Variants in LRRC9 observed in about 807,000 individuals in gnomAD.
The protein encoded by LRRC9 is leucine-rich repeat-containing protein 9.
Under a neutral mutation model 63.2 loss-of-function variants are expected in LRRC9, and 122 were observed. That is an observed-to-expected ratio of 1.93 (90% CI 1.67 to 2.24). The LOEUF (loss-of-function observed/expected upper bound fraction) is 2.24, where lower values mean the gene tolerates loss of function less well. LRRC9 is among the 30% of genes most tolerant of loss of function. The probability of loss-of-function intolerance (pLI) is 0.00; values close to 1 mark genes in which losing one functional copy is unlikely to be tolerated. For missense variants in LRRC9, 1,071 were observed against 627.7 expected (o/e 1.71, Z -7.55); for synonymous variants, 366 against 213.1 (o/e 1.72, Z -6.25).
rs905398884 is a variant in LRRC9, at chr14:60,053,597, C to T, written c.4131+392C>T. Among the ~76,000 whole-genome samples the T allele has an allele frequency of 3.3e-5, 5 of 152,102 alleles. No homozygotes were observed. Among genetic ancestry groups the T allele is most frequent in the Non-Finnish European group, 7.4e-5 (5 of 68,014 alleles). On this transcript the variant is annotated intron_variant, in intron 30 of 31. Coordinates refer to ENST00000445360, the Ensembl canonical transcript of LRRC9. This position sits in a 1 kb window ranked among gnomAD's most constrained non-coding sequence, Gnocchi z 4.8. ...CAATAAAACTATTTCCCTTTAGGCA[C>T]ACAGAAAGGGAAGGAAGGAATTCTG...
intron 30 of LRRC9, 182 bp from the exon 31 acceptor site, chr14:60,057,696 C>A: frequency 2.0e-4 from 60 of 298,906 alleles, no homozygotes; most frequent in East Asian, 4.3e-4. Flanking sequence ...GGGAGGTTAA[C>A]TCCCCAAAAA....
intron 10 of LRRC9, among the ~76,000 whole-genome samples, chr14:59,965,083 G>A (rs1884698890): frequency 6.6e-6 from 1 of 152,276 alleles, no homozygotes; most frequent in South Asian, 2.1e-4. Context: ...TTCATTAAAG[G>A]CAAATGTATT....
chr14:59,938,296 A>G lies in LRRC9; in HGVS notation c.544-94A>G. 1 of 511,874 alleles carries G rather than the reference A, an allele frequency of 2.0e-6. No individual in the cohort carries two copies. The highest frequency in any genetic ancestry group is 3.4e-6 in the Non-Finnish European group (1 of 290,476). The allele number at this position is 511,874 out of a possible 1,614,324, so 31.7% of individuals were successfully genotyped here. On this transcript the variant is annotated intron_variant, in intron 6 of 31. Transcript: ENST00000445360. This position sits in a 1 kb window ranked among gnomAD's most constrained non-coding sequence, Gnocchi z 4.2. Reference sequence around the variant, plus strand: ...TAATGTATTTAAGCGCATAATTAGAATGCATTAGACTATGGCTGATCTTAG... The same window carrying G: ...TAATGTATTTAAGCGCATAATTAGAGTGCATTAGACTATGGCTGATCTTAG...
At chr14:59,972,598 AC>A (rs1195568042) in intron 12 of LRRC9, among the ~76,000 whole-genome samples, 1 of 152,106 alleles carries the variant, frequency 6.6e-6, no homozygotes, top group Non-Finnish European at 1.5e-5. Flanking sequence ...TGCTTTATCT[AC>A]ACATGCCTTG....
In LRRC9 at chr14:59,942,083, C is replaced by T. The variant is rs1330731667; in HGVS notation, c.727-2506C>T. Among the ~76,000 whole-genome samples, 1 of 146,564 alleles carries T rather than the reference C, an allele frequency of 6.8e-6. No individual in the cohort carries two copies. The highest frequency in any genetic ancestry group is 1.6e-5 in the Non-Finnish European group (1 of 63,712). On this transcript the variant is annotated intron_variant, in intron 7 of 31. Coordinates refer to ENST00000445360, the Ensembl canonical transcript of LRRC9. The surrounding 1 kb of genome is among the most constrained non-coding windows in gnomAD (Gnocchi z 5.3). The stretch of plus-strand genomic sequence containing the variant: ...GCAGTCTTTATTTTTCTGTGCTTGA[C>T]TTATTTCGCTTAACATAATGTCCTC...
chr14:59,938,964 T>TATATAC lies in LRRC9; in HGVS notation c.726+398_726+403dup, dbSNP rs1329755076. Among the ~76,000 whole-genome samples, 3 of 146,600 alleles carry TATATAC rather than the reference T, an allele frequency of 2.0e-5. No individual in the cohort carries two copies. Among genetic ancestry groups the TATATAC allele is most frequent in the African/African-American group, 7.5e-5 (3 of 40,018 alleles). ...ACATATACATACATATATACACACA[T>TATATAC]ATATACATATATACATATATACACA... On this transcript the variant is annotated intron_variant, in intron 7 of 31. Transcript: ENST00000445360. The surrounding 1 kb of genome is among the most constrained non-coding windows in gnomAD (Gnocchi z 4.2).
At chr14:60,022,836 C>G in exon 27 of LRRC9, 1 of 682,082 alleles carries the variant, frequency 1.5e-6, no homozygotes, top group Non-Finnish European at 2.7e-6. Flanking sequence ...TACAACTTAA[C>G]AGACTAAGAA....
chr14:59,925,041 CTT>C (rs1889095398), intron 1 of LRRC9, among the ~76,000 whole-genome samples: 1 of 151,974 alleles, frequency 6.6e-6, no homozygotes. Flanking sequence ...TCCTGATCTT[CTT>C]TTTCCTCCCA....
At chr14:59,929,884 T>C (rs1367503418) in intron 3 of LRRC9, among the ~76,000 whole-genome samples, 1 of 151,948 alleles carries the variant, frequency 6.6e-6, no homozygotes, top group Non-Finnish European at 1.5e-5. Flanking sequence ...TGATAACACA[T>C]GGACACATAG....
At chr14:60,062,634 C>T (rs149817345) in intron 31 of LRRC9, among the ~76,000 whole-genome samples, 230 of 152,214 alleles carry the variant, frequency 1.5e-3, no homozygotes, top group African/African-American at 5.1e-3. Context: ...TCCTACTTGC[C>T]TCCTTCTCCA....
intron 7 of LRRC9, among the ~76,000 whole-genome samples, chr14:59,941,828 C>G (rs1486305435): frequency 1.3e-5 from 2 of 152,126 alleles, no homozygotes; most frequent in Non-Finnish European, 2.9e-5. Context: ...ATCCCTTCTT[C>G]CAGATTTTTG....
In LRRC9 at chr14:60,007,540, T is replaced by G. The variant is rs922731472; in HGVS notation, c.3064-552T>G. 5.9e-5 allele frequency among the ~76,000 whole-genome samples: 9 copies of G among 152,302 alleles called. 1 individual carries two copies. The East Asian group carries it at 1.3e-3, about 23-fold the overall frequency. ...CACTTCAGTTTCATCACTTTTCAAA[T>G]AGCAGTGTCTTTTATTCCTGTTATA... is the stretch of plus-strand genomic sequence containing the variant. On this transcript the variant is annotated intron_variant, in intron 22 of 31. Transcript: ENST00000445360.
intron 3 of LRRC9, among the ~76,000 whole-genome samples, chr14:59,929,338 T>C (rs10146184): frequency 0.19 from 28,259 of 151,894 alleles, 3,794 homozygotes; most frequent in African/African-American, 0.38. Context: ...AAATAACTGA[T>C]CATTAGAGAA....
In LRRC9 at chr14:59,974,677, A is replaced by G. The variant is rs766771737; in HGVS notation, c.1608A>G (p.Lys536=). Residue 536 remains lysine, a synonymous_variant, in exon 13 of 32, where the codon AAA becomes AAG. Coordinates refer to ENST00000445360, the Ensembl canonical transcript of LRRC9. ...AGCAAAAGCACAAAGATGAGAAGAA[A>G]ATCTCTCTTAAGCATGAGCTCTTCA... The G allele has an allele frequency of 9.3e-5, 64 of 687,806 alleles. 1 individual carries two copies. In the South Asian group the frequency reaches 9.6e-4, roughly 10 times the overall value. The allele number at this position is 687,806 out of a possible 1,614,324, so 42.6% of individuals were successfully genotyped here. A position where few individuals can be genotyped will look rare whatever the true frequency, so the allele number is the denominator to read the frequency against.
chr14:59,928,118 G>A, intron 2 of LRRC9, 127 bp downstream of exon 2: 1 of 574,648 alleles, frequency 1.7e-6, no homozygotes, highest in Non-Finnish European at 3.0e-6. Flanking sequence ...TTGGGAAGCA[G>A]AGAATAATCA....
chr14:60,042,324 T>C lies in LRRC9; in HGVS notation c.3990+10261T>C, dbSNP rs958948277. Among the ~76,000 whole-genome samples, 4 of 152,232 alleles carry C rather than the reference T, an allele frequency of 2.6e-5. No individual in the cohort carries two copies. Among genetic ancestry groups the C allele is most frequent in the African/African-American group, 9.6e-5 (4 of 41,466 alleles). ...CTGCAGAAGTTTCTGCTGCCTGTTG[T>C]TCAGCTATGCCCTGCCCCCAGAGGT... On this transcript the variant is annotated intron_variant, in intron 29 of 31. Coordinates refer to ENST00000445360, the Ensembl canonical transcript of LRRC9. This position sits in a 1 kb window ranked among gnomAD's most constrained non-coding sequence, Gnocchi z 4.2.
At chr14:60,046,044 T>C (rs1893396942) in intron 29 of LRRC9, among the ~76,000 whole-genome samples, 1 of 152,234 alleles carries the variant, frequency 6.6e-6, no homozygotes, top group South Asian at 2.1e-4. Context: ...TTTTTTCATA[T>C]GTTCATCAGC....
At chr14:60,043,756 C>CTTTTTTTTTTTTTTTTT (rs368065898) in intron 29 of LRRC9, among the ~76,000 whole-genome samples, 87 of 71,562 alleles carry the variant, frequency 1.2e-3, no homozygotes, top group East Asian at 2.3e-3. Flanking sequence ...TTTTCTTTTC[C>CTTTTTTTTTTTTTTTTT]TTTTTTTTTT....
intron 29 of LRRC9, among the ~76,000 whole-genome samples, chr14:60,038,616 T>G (rs1892662925): frequency 6.6e-6 from 1 of 152,246 alleles, no homozygotes; most frequent in South Asian, 2.1e-4. Context: ...ACATTGATTT[T>G]GTATCCTGCG....
Sources: gnomAD v4.1 joint callset for allele counts (sites outside exome capture counted in the v4.1 genomes callset) on GRCh38, gnomAD v4.1.1 for gene constraint, Gnocchi (gnomAD v3.1) non-coding constraint, MANE v1.5 for transcripts, NCBI Gene and HGNC (gene_info 2026-07-23, HGNC 2026-07-21) for gene names.